The following TTLL9 variants were observed in gnomAD, a reference collection of about 807,000 sequenced individuals.
TTLL9 encodes the protein probable tubulin polyglutamylase TTLL9.
In TTLL9, 47 loss-of-function variants were observed where a neutral mutation model predicts 65.6. That is an observed-to-expected ratio of 0.72 (90% CI 0.57 to 0.91). The LOEUF (loss-of-function observed/expected upper bound fraction) is 0.91, where lower values mean the gene tolerates loss of function less well. TTLL9 is among the 40% of genes least tolerant of loss of function. TTLL9 has a pLI of 0.00. For synonymous variants in TTLL9, 179 were observed against 204.8 expected (o/e 0.87, Z 1.07); for missense variants, 537 against 568.8 (o/e 0.94, Z 0.57).
intron 13 of TTLL9, chr20:31,938,402 C>A (rs1447164680): frequency 1.1e-5 from 4 of 356,776 alleles, no homozygotes; most frequent in Non-Finnish European, 2.2e-5. Context: ...GGATGCTGAG[C>A]AGGCAGAAAC....
chr20:31,903,145 T>C (rs2063501849), intron 4 of TTLL9, among the ~76,000 whole-genome samples: 1 of 152,092 alleles, frequency 6.6e-6, no homozygotes, highest in African/African-American at 2.4e-5. Flanking sequence ...GTTGAGATTA[T>C]AGGTGTGAGC....
intron 4 of TTLL9, among the ~76,000 whole-genome samples, chr20:31,904,085 A>G (rs1462204071): frequency 6.6e-6 from 1 of 152,168 alleles, no homozygotes; most frequent in African/African-American, 2.4e-5. Flanking sequence ...CCATGAGGTT[A>G]TGCATTTTGG....
intron 2 of TTLL9, chr20:31,879,674 G>C: frequency 2.9e-6 from 2 of 694,000 alleles, no homozygotes; most frequent in Non-Finnish European, 4.6e-6. Flanking sequence ...GAAAGGTTGA[G>C]GAAGTCGGGG....
intron 4 of TTLL9, among the ~76,000 whole-genome samples, chr20:31,902,198 C>G (rs1383224861): frequency 6.6e-6 from 1 of 152,160 alleles, no homozygotes; most frequent in African/African-American, 2.4e-5. Context: ...CCCATACCCA[C>G]TAGCAGTCAT....
At chr20:31,938,914 T>G (rs2064160388) in intron 13 of TTLL9, among the ~76,000 whole-genome samples, 1 of 151,268 alleles carries the variant, frequency 6.6e-6, no homozygotes, top group African/African-American at 2.4e-5. Context: ...AAAAAACAAA[T>G]AGGGGCATGT....
At chr20:31,891,065 AC>A (rs2063301671) in intron 3 of TTLL9, among the ~76,000 whole-genome samples, 1 of 152,288 alleles carries the variant, frequency 6.6e-6, no homozygotes, top group East Asian at 1.9e-4. Flanking sequence ...CAGAGTACAA[AC>A]CCAGGGTATA....
chr20:31,908,745 T>C, intron 5 of TTLL9, 43 bp downstream of exon 5: 1 of 1,456,244 alleles, frequency 6.9e-7, no homozygotes, highest in Non-Finnish European at 9.6e-7. Flanking sequence ...CCAACTCATG[T>C]CACTGGGTGT....
At chr20:31,925,973 C>A in intron 9 of TTLL9, 76 bp from the exon 10 acceptor site, 2 of 1,592,610 alleles carry the variant, frequency 1.3e-6, no homozygotes, top group South Asian at 1.1e-5. Flanking sequence ...ATCCTGGGAT[C>A]CTGGCTAACC....
At position 31,923,090 on chromosome 20, in the gene TTLL9, A is replaced by G. The variant is rs1323893005; in HGVS notation, c.664+37A>G. 4.0e-6 allele frequency: 6 copies of G among 1,502,668 alleles called. No homozygotes were observed. The African/African-American group carries it at 4.1e-5, about 10-fold the overall frequency. The allele number at this position is 1,502,668 out of a possible 1,614,324, so 93.1% of individuals were successfully genotyped here. A position where few individuals can be genotyped will look rare whatever the true frequency, so the allele number is the denominator to read the frequency against. ...GTGTCTGCTCCTGCTCTTCCATTGCATGGTCATCAAACAGTCAGTCAACAA... is the reference window on the plus strand; with the variant it reads ...GTGTCTGCTCCTGCTCTTCCATTGCGTGGTCATCAAACAGTCAGTCAACAA... On this transcript the variant is annotated intron_variant, in intron 8 of 14. Transcript: ENST00000535842.
chr20:31,896,833 G>A (rs6061022), intron 3 of TTLL9, among the ~76,000 whole-genome samples: 5 of 152,024 alleles, frequency 3.3e-5, no homozygotes, highest in African/African-American at 1.2e-4. Flanking sequence ...CCTGGCTCAT[G>A]GATTAATTTT....
At chr20:31,908,480 A>G (rs1388776692) in intron 4 of TTLL9, 111 bp from the exon 5 acceptor site, 3 of 705,654 alleles carry the variant, frequency 4.3e-6, no homozygotes, top group Admixed American at 4.2e-5. Context: ...CTCTAGAGGG[A>G]CACAGTGCTG....
Position 31,934,623 on chromosome 20 carries a change from T to C in TTLL9, c.808-69T>C, listed in dbSNP as rs1223329742. On this transcript the variant is annotated intron_variant, in intron 11 of 14. Coordinates refer to ENST00000535842, the MANE Select transcript of TTLL9 (RefSeq NM_001008409.5). ...AAGGGAAACACTGAGAGCAATTGTG[T>C]AAGGGTCCTAGCAGGCCAGGTCCTG... 1.1e-5 allele frequency: 16 copies of C among 1,396,222 alleles called. No homozygotes were observed. In the African/African-American group the frequency reaches 1.7e-4, roughly 15 times the overall value. The allele number at this position is 1,396,222 out of a possible 1,614,324, so 86.5% of individuals were successfully genotyped here. A position where few individuals can be genotyped will look rare whatever the true frequency, so the allele number is the denominator to read the frequency against.
intron 3 of TTLL9, among the ~76,000 whole-genome samples, chr20:31,897,140 T>C (rs538102749): frequency 1.3e-5 from 2 of 152,350 alleles, no homozygotes; most frequent in East Asian, 3.9e-4. Flanking sequence ...AATTCTCCAG[T>C]GAAACCACTG....
rs1568753148 is a variant in TTLL9, at chr20:31,890,104, T to TC, written c.113+2867dup. Among the ~76,000 whole-genome samples the TC allele has an allele frequency of 1.1e-3, 45 of 42,806 alleles. 1 individual carries two copies. The highest frequency in any genetic ancestry group is 3.8e-3 in the South Asian group (4 of 1,054). The allele number at this position is 42,806 out of a possible 152,430, so 28.1% of individuals were successfully genotyped here. A position where few individuals can be genotyped will look rare whatever the true frequency, so the allele number is the denominator to read the frequency against. On this transcript the variant is annotated intron_variant, in intron 3 of 14. Coordinates refer to ENST00000535842, the MANE Select transcript of TTLL9 (RefSeq NM_001008409.5). ...GCTTTCTTGCTTTCTTTCCCTCCCT[T>TC]CCTTCCTTCCTTCCTTCCTTCCTTC...
chr20:31,889,506 TCTGCCTCCC>T (rs1191614672), intron 3 of TTLL9, among the ~76,000 whole-genome samples: 5 of 145,234 alleles, frequency 3.4e-5, no homozygotes, highest in Non-Finnish European at 7.8e-5. Context: ...CACTACAACC[TCTGCCTCCC>T]GGGTTCAAGT....
At chr20:31,875,302 CTG>C (rs975368407) in intron 2 of TTLL9, among the ~76,000 whole-genome samples, 2 of 152,152 alleles carry the variant, frequency 1.3e-5, no homozygotes, top group African/African-American at 2.4e-5. Context: ...AGTAGAAAGA[CTG>C]GAACACAGTA....
At chr20:31,919,750 TG>T in intron 6 of TTLL9, 113 bp from the exon 7 acceptor site, 1 of 799,308 alleles carries the variant, frequency 1.3e-6, no homozygotes, top group Non-Finnish European at 1.9e-6. Context: ...TGGGGAGAGT[TG>T]GGGGTTCATA....
intron 2 of TTLL9, among the ~76,000 whole-genome samples, chr20:31,871,453 C>T (rs2062931122): frequency 6.6e-6 from 1 of 152,182 alleles, no homozygotes; most frequent in Non-Finnish European, 1.5e-5. Context: ...ATAATCAAGA[C>T]ACTTCCTATA....
At chr20:31,877,374 C>G (rs1203152387) in intron 2 of TTLL9, among the ~76,000 whole-genome samples, 2 of 152,202 alleles carry the variant, frequency 1.3e-5, no homozygotes, top group Admixed American at 6.5e-5. Flanking sequence ...ACCTCGTGAT[C>G]TGCCTGCCTT....
Sources: allele counts gnomAD v4.1 joint callset (sites outside exome capture counted in the v4.1 genomes callset), GRCh38; gene constraint gnomAD v4.1.1; transcripts MANE v1.5; gene names NCBI Gene and HGNC (gene_info 2026-07-23, HGNC 2026-07-21).